The following THSD7B variants were observed in gnomAD, a reference collection of about 807,000 sequenced individuals.
THSD7B encodes thrombospondin type 1 domain containing 7B.
In THSD7B, 138 loss-of-function variants were observed where a neutral mutation model predicts 213.6. The observed-to-expected ratio is 0.65, with a 90% confidence interval of 0.56 to 0.74. The LOEUF (loss-of-function observed/expected upper bound fraction) is 0.74. THSD7B is among the 30% of genes least tolerant of loss of function. THSD7B has a pLI of 0.00. For synonymous variants in THSD7B, 742 were observed against 687.0 expected (o/e 1.08, Z -1.25); for missense variants, 1,931 against 1,991.5 (o/e 0.97, Z 0.58).
chr2:137,517,412 C>A (rs764958902), intron 15 of THSD7B, among the ~76,000 whole-genome samples: 1 of 152,164 alleles, frequency 6.6e-6, no homozygotes, highest in Non-Finnish European at 1.5e-5. Flanking sequence ...AATTCAGGGG[C>A]CTTCTACCTC....
chr2:137,103,867 A>G (rs1688196061), intron 4 of THSD7B, among the ~76,000 whole-genome samples: 1 of 152,218 alleles, frequency 6.6e-6, no homozygotes, highest in Non-Finnish European at 1.5e-5. Context: ...TTAACACAGG[A>G]GCATCCAGAT....
At chr2:137,065,969 A>G (rs908157334) in intron 3 of THSD7B, among the ~76,000 whole-genome samples, 4 of 137,662 alleles carry the variant, frequency 2.9e-5, no homozygotes, top group Non-Finnish European at 6.0e-5. Flanking sequence ...AAAATAAATG[A>G]CATTTTATTT....
intron 7 of THSD7B, among the ~76,000 whole-genome samples, chr2:137,198,546 C>T (rs1680811308): frequency 6.6e-6 from 1 of 152,158 alleles, no homozygotes; most frequent in Admixed American, 6.5e-5. Context: ...GGAAAAGAGA[C>T]TAACGGTTTC....
intron 15 of THSD7B, among the ~76,000 whole-genome samples, chr2:137,478,019 T>C (rs1001474728): frequency 6.6e-6 from 1 of 152,120 alleles, no homozygotes; most frequent in Non-Finnish European, 1.5e-5. Flanking sequence ...AGAATTCTCT[T>C]TTTCTTTTTT....
intron 2 of THSD7B, among the ~76,000 whole-genome samples, chr2:136,914,795 T>TTAA (rs1684324686): frequency 6.6e-6 from 1 of 152,154 alleles, no homozygotes; most frequent in African/African-American, 2.4e-5. Context: ...TATATCTTTA[T>TTAA]CAGCAGCATG....
intron 12 of THSD7B, among the ~76,000 whole-genome samples, chr2:137,380,059 A>G (rs529643018): frequency 6.6e-6 from 1 of 152,316 alleles, no homozygotes; most frequent in South Asian, 2.1e-4. Flanking sequence ...GGAGTGACCC[A>G]GGGCTGCCAT....
At chr2:137,280,251 G>C (rs187139624) in intron 12 of THSD7B, among the ~76,000 whole-genome samples, 1 of 152,126 alleles carries the variant, frequency 6.6e-6, no homozygotes, top group Non-Finnish European at 1.5e-5. Context: ...AAACCCTTGG[G>C]ATGAAATTTG....
At chr2:137,351,344 C>T (rs1282288507) in intron 12 of THSD7B, among the ~76,000 whole-genome samples, 1 of 151,758 alleles carries the variant, frequency 6.6e-6, no homozygotes, top group Non-Finnish European at 1.5e-5. Context: ...TTGTCATCAC[C>T]GAGGATGTCC....
intron 2 of THSD7B, among the ~76,000 whole-genome samples, chr2:136,914,597 C>T (rs10168017): frequency 0.041 from 6,257 of 152,172 alleles, 269 homozygotes; most frequent in African/African-American, 0.1. Context: ...CTGCTGTTTT[C>T]GTGATAGTGA....
intron 12 of THSD7B, among the ~76,000 whole-genome samples, chr2:137,403,236 G>A (rs1686417223): frequency 1.3e-5 from 2 of 151,964 alleles, no homozygotes; most frequent in Admixed American, 6.6e-5. Context: ...CTAATTCCTT[G>A]GTTCTAAAGC....
intron 27 of THSD7B, among the ~76,000 whole-genome samples, chr2:137,673,049 T>C (rs1683613784): frequency 6.6e-6 from 1 of 152,196 alleles, no homozygotes; most frequent in Non-Finnish European, 1.5e-5. Context: ...TTGAGAGTGG[T>C]ACTTGCACCT....
chr2:137,539,437 C>T (rs908418395), intron 15 of THSD7B, among the ~76,000 whole-genome samples: 2 of 151,694 alleles, frequency 1.3e-5, no homozygotes, highest in Admixed American at 6.6e-5. Context: ...TTTTAAGATC[C>T]AAGAATGTTA....
chr2:136,948,708 C>G (rs535236255), intron 2 of THSD7B, among the ~76,000 whole-genome samples: 169 of 152,250 alleles, frequency 1.1e-3, no homozygotes, highest in African/African-American at 4.0e-3. Flanking sequence ...TAATTGAGCA[C>G]TTACTCTATG....
At chr2:137,345,539 GA>G (rs1294629875) in intron 12 of THSD7B, among the ~76,000 whole-genome samples, 3 of 151,634 alleles carry the variant, frequency 2.0e-5, no homozygotes, top group Non-Finnish European at 3.0e-5. Context: ...TTGAGAAAAA[GA>G]AATGGGGTGT....
rs760657010 is a variant in THSD7B at position 137,657,086 on chromosome 2, C to A, written c.4301C>A (p.Thr1434Lys). The change falls in exon 24 of 28, where the codon ACA becomes AAA. Residue 1434 changes from threonine (T) to lysine (K), a missense_variant. Transcript: ENST00000409968. The part of the protein sequence containing the change: ...PCTGGKCYHY[T>K]WKASLWNNNE... ...ACAGGAGGCAAATGTTATCACTACA[C>A]ATGGAAAGCAAGTCTTTGGAACAAT... 6.8e-6 allele frequency: 11 copies of A among 1,613,866 alleles called. No individual in the cohort carries two copies. The East Asian group carries it at 2.5e-4, about 36-fold the overall frequency.
At chr2:137,346,774 T>C (rs1214069420) in intron 12 of THSD7B, among the ~76,000 whole-genome samples, 3 of 151,748 alleles carry the variant, frequency 2.0e-5, no homozygotes, top group African/African-American at 7.3e-5. Context: ...AACTATGCAA[T>C]TATTTTATGT....
At chr2:137,556,987 G>A (rs1199321137) in intron 15 of THSD7B, among the ~76,000 whole-genome samples, 1 of 152,090 alleles carries the variant, frequency 6.6e-6, no homozygotes, top group African/African-American at 2.4e-5. Context: ...AACAAGGAGA[G>A]CTAACTATCC....
chr2:136,990,929 A>G lies in THSD7B; in HGVS notation c.140-65491A>G, dbSNP rs957852183. 1.6e-5 allele frequency: 21 copies of G among 1,347,004 alleles called. No individual in the cohort carries two copies. In the African/African-American group the frequency reaches 1.9e-4, roughly 12 times the overall value. 83.4% of individuals were successfully genotyped at this position (1,347,004 alleles called of 1,614,324 possible). A position where few individuals can be genotyped will look rare whatever the true frequency, so the allele number is the denominator to read the frequency against. ...GCAGATGAGGTGGTTTTGTATCACA[A>G]ATTAGCAGGTAAATCAGAAGAATCA... On this transcript the variant is annotated intron_variant, in intron 2 of 27. Transcript: ENST00000409968.
chr2:137,276,131 G>A lies in THSD7B; in HGVS notation c.2500+105G>A, dbSNP rs879755611. On this transcript the variant is annotated intron_variant, in intron 12 of 27. Coordinates refer to ENST00000409968, the MANE Select transcript of THSD7B (RefSeq NM_001316349.2). The stretch of plus-strand genomic sequence containing the variant: ...TATTTGAATGAATTGTGATATTATT[G>A]GCTTGAATTATTCATATTTATTGAT... 1.9e-4 allele frequency: 154 copies of A among 798,694 alleles called. 1 individual carries two copies. Among genetic ancestry groups the A allele is most frequent in the Admixed American group, 4.9e-4 (15 of 30,786 alleles). 49.5% of individuals were successfully genotyped at this position (798,694 alleles called of 1,614,324 possible).
Sources: gnomAD v4.1 joint callset for allele counts (sites outside exome capture counted in the v4.1 genomes callset) on GRCh38, gnomAD v4.1.1 for gene constraint, MANE v1.5 for transcripts, NCBI Gene and HGNC (gene_info 2026-07-23, HGNC 2026-07-21) for gene names.